Variants in ATRNL1 observed in about 807,000 individuals in gnomAD.
ATRNL1 encodes the protein attractin like 1, also known as attractin-like protein 1.
ATRNL1 carries 95 observed loss-of-function variants against 182.7 expected under a neutral mutation model. That is an observed-to-expected ratio of 0.52 (90% confidence interval 0.44 to 0.62). The LOEUF is 0.62. Ranked by LOEUF, ATRNL1 falls within the 20% of genes least tolerant of loss-of-function variation. The probability of loss-of-function intolerance (pLI) is 0.00; values close to 1 mark genes in which losing one functional copy is unlikely to be tolerated. For synonymous variants in ATRNL1, 576 were observed against 568.3 expected (o/e 1.01, Z -0.19); for missense variants, 1,471 against 1,679.5 (o/e 0.88, Z 2.17).
intron 10 of ATRNL1, among the ~76,000 whole-genome samples, chr10:115,253,244 C>T (rs1232649059): frequency 6.6e-6 from 1 of 152,156 alleles, no homozygotes; most frequent in Non-Finnish European, 1.5e-5. Context: ...TTAGTCAACC[C>T]TGTAAGGATT....
intron 8 of ATRNL1, among the ~76,000 whole-genome samples, chr10:115,202,397 A>T (rs1848617980): frequency 6.6e-6 from 1 of 151,384 alleles, no homozygotes. Context: ...TTATTTTGAG[A>T]TACATCCCAT....
At chr10:115,299,576 A>G (rs188958025) in intron 15 of ATRNL1, among the ~76,000 whole-genome samples, 186 of 152,152 alleles carry the variant, frequency 1.2e-3, no homozygotes, top group African/African-American at 4.2e-3. Context: ...GACTCTATAT[A>G]TTGTTTGTTG....
At chr10:115,237,996 C>A (rs1850258890) in intron 9 of ATRNL1, among the ~76,000 whole-genome samples, 1 of 152,100 alleles carries the variant, frequency 6.6e-6, no homozygotes, top group South Asian at 2.1e-4. Context: ...AATAGACAGT[C>A]CTTTCATTGT....
chr10:115,434,130 A>G (rs1337544991), intron 21 of ATRNL1, among the ~76,000 whole-genome samples: 1 of 152,166 alleles, frequency 6.6e-6, no homozygotes, highest in Non-Finnish European at 1.5e-5. Flanking sequence ...TCTCTGCATC[A>G]TGTCCTGAGA....
chr10:115,321,860 A>G (rs1195069486), intron 18 of ATRNL1, among the ~76,000 whole-genome samples: 1 of 152,092 alleles, frequency 6.6e-6, no homozygotes, highest in Non-Finnish European at 1.5e-5. Context: ...TTATATGTAG[A>G]AAAGCATAAA....
intron 28 of ATRNL1, among the ~76,000 whole-genome samples, chr10:115,917,164 C>G (rs1467532490): frequency 6.6e-6 from 1 of 152,118 alleles, no homozygotes; most frequent in Non-Finnish European, 1.5e-5. Context: ...TGGATCCTGA[C>G]TTTCTCCCTC....
chr10:115,101,906 T>A (rs138658481), intron 1 of ATRNL1, among the ~76,000 whole-genome samples: 33 of 152,364 alleles, frequency 2.2e-4, no homozygotes, highest in African/African-American at 7.9e-4. Context: ...CTAGAATCCT[T>A]TAAAATTTAT....
chr10:115,323,999 G>C (rs1212517303), intron 18 of ATRNL1, among the ~76,000 whole-genome samples: 1 of 146,816 alleles, frequency 6.8e-6, no homozygotes, highest in African/African-American at 2.5e-5. Flanking sequence ...GGATGGTCTC[G>C]ATCTCCTGAC....
intron 20 of ATRNL1, among the ~76,000 whole-genome samples, chr10:115,413,983 T>A (rs575124357): frequency 2.0e-4 from 31 of 152,058 alleles, no homozygotes; most frequent in Non-Finnish European, 3.5e-4. Flanking sequence ...ATATAAATAT[T>A]TTAGAAAGCA....
intron 9 of ATRNL1, among the ~76,000 whole-genome samples, chr10:115,224,058 C>T (rs1849598993): frequency 6.7e-6 from 1 of 150,334 alleles, no homozygotes; most frequent in African/African-American, 2.4e-5. Flanking sequence ...GCCTCAGCCT[C>T]CTGAGTAGCT....
intron 26 of ATRNL1, among the ~76,000 whole-genome samples, chr10:115,578,118 G>A (rs930355604): frequency 6.6e-6 from 1 of 151,742 alleles, no homozygotes; most frequent in Admixed American, 6.6e-5. Flanking sequence ...TAGTCATGGT[G>A]AATAATCTTT....
Position 115,389,554 on chromosome 10 carries a change from A to ATATG in ATRNL1, c.3176-5102_3176-5101insGTAT, listed in dbSNP as rs1554953838. On this transcript the variant is annotated intron_variant, in intron 19 of 28. Coordinates refer to ENST00000355044, the MANE Select transcript of ATRNL1 (RefSeq NM_207303.4). ...AATGTGTATGTGTATATATATATAT[A>ATATG]TATATATATATATATATATATATAT... 6.2e-4 allele frequency among the ~76,000 whole-genome samples: 45 copies of ATATG among 72,530 alleles called. 1 individual carries two copies. The highest frequency in any genetic ancestry group is 2.3e-3 in the South Asian group (5 of 2,128). The allele number at this position is 72,530 out of a possible 152,430, so 47.6% of individuals were successfully genotyped here.
At chr10:115,741,333 T>A (rs1476323606) in intron 27 of ATRNL1, among the ~76,000 whole-genome samples, 2 of 151,928 alleles carry the variant, frequency 1.3e-5, no homozygotes, top group African/African-American at 4.8e-5. Flanking sequence ...TAGGCAGAGA[T>A]AGGAATAGGT....
At chr10:115,848,077 A>T (rs1279552119) in intron 28 of ATRNL1, 86 bp downstream of exon 28, 1 of 765,052 alleles carries the variant, frequency 1.3e-6, no homozygotes, top group South Asian at 1.5e-5. Context: ...ATAGCGCAGT[A>T]AGGACCTTTG....
At chr10:115,520,025 C>T (rs547461175) in intron 25 of ATRNL1, among the ~76,000 whole-genome samples, 1 of 152,134 alleles carries the variant, frequency 6.6e-6, no homozygotes, top group African/African-American at 2.4e-5. Context: ...TGGAAGAGAT[C>T]TTATTTTTGT....
chr10:115,820,507 G>C (rs1442076801), intron 27 of ATRNL1: 8 of 152,044 alleles, frequency 5.3e-5, no homozygotes, highest in African/African-American at 1.9e-4. Flanking sequence ...TCAAGACTTT[G>C]GATATTCGTG....
chr10:115,728,298 CAAAAAAAAAAAA>C (rs58437496), intron 27 of ATRNL1, among the ~76,000 whole-genome samples: 1,141 of 58,922 alleles, frequency 0.019, 14 homozygotes, highest in Middle Eastern at 0.074. Context: ...GACTCCGCCT[CAAAAAAAAAAAA>C]AAAAAAAAAA....
intron 8 of ATRNL1, among the ~76,000 whole-genome samples, chr10:115,177,299 G>A (rs1353484443): frequency 2.0e-5 from 3 of 152,142 alleles, no homozygotes; most frequent in Non-Finnish European, 4.4e-5. Flanking sequence ...AATAGGGAAT[G>A]AGAGAAGTAG....
chr10:115,533,460 AT>A (rs1357051171), intron 25 of ATRNL1, among the ~76,000 whole-genome samples: 59 of 151,558 alleles, frequency 3.9e-4, no homozygotes, highest in African/African-American at 1.2e-3. Flanking sequence ...CTCCTTTATC[AT>A]TTTTTATTGT....
Sources: allele counts gnomAD v4.1 joint callset (sites outside exome capture counted in the v4.1 genomes callset), GRCh38; gene constraint gnomAD v4.1.1; transcripts MANE v1.5; gene names NCBI Gene and HGNC (gene_info 2026-07-23, HGNC 2026-07-21).